The following DENND2B variants were observed in gnomAD, a reference collection of about 807,000 sequenced individuals.
The protein encoded by DENND2B is DENN domain-containing protein 2B.
A neutral mutation model predicts 116.0 loss-of-function variants in DENND2B; 32 were observed. The observed-to-expected ratio is 0.28, with a 90% CI of 0.21 to 0.37. The LOEUF is 0.37. Among genes scored for constraint, DENND2B ranks in the 10% least tolerant of loss-of-function variants. DENND2B has a pLI of 1.00. For missense variants in DENND2B, 1,276 were observed against 1,477.7 expected (o/e 0.86, Z 2.24); for synonymous variants, 588 against 583.9 (o/e 1.01, Z -0.10).
chr11:8,805,169 A>G (rs1470640306), intron 1 of DENND2B, among the ~76,000 whole-genome samples: 1 of 152,220 alleles, frequency 6.6e-6, no homozygotes, highest in Admixed American at 6.5e-5. Flanking sequence ...AAGACCCCTG[A>G]GCTATAGCTG....
At chr11:8,782,570 T>C (rs2058476742) in intron 1 of DENND2B, among the ~76,000 whole-genome samples, 1 of 152,192 alleles carries the variant, frequency 6.6e-6, no homozygotes, top group Non-Finnish European at 1.5e-5. Context: ...CTTTCACTTT[T>C]CCATATACTT....
At chr11:8,885,864 G>A (rs976117272) in intron 1 of DENND2B, among the ~76,000 whole-genome samples, 1 of 152,096 alleles carries the variant, frequency 6.6e-6, no homozygotes, top group African/African-American at 2.4e-5. Context: ...TGTATGTTCA[G>A]CTATAATTAC....
intron 1 of DENND2B, among the ~76,000 whole-genome samples, chr11:8,767,278 C>T (rs561229852): frequency 6.6e-6 from 1 of 152,086 alleles, no homozygotes; most frequent in Non-Finnish European, 1.5e-5. Context: ...AGAATGTTTA[C>T]CCTGGAGAAG....
At position 8,695,522 on chromosome 11, in the gene DENND2B, T is replaced by C; in HGVS notation, c.3320A>G (p.Tyr1107Cys). 2 of 1,613,954 alleles carry C rather than the reference T, an allele frequency of 1.2e-6. No homozygotes were observed. The highest frequency in any genetic ancestry group is 8.5e-7 in the Non-Finnish European group (1 of 1,180,014). The change falls in exon 19 of 20, where the codon TAC becomes TGC. Residue 1107 changes from tyrosine to cysteine, a missense_variant. Physicochemically the swap from Tyr to Cys is radical, Grantham distance 194 (BLOSUM62 -2). Around this residue, in one of 2 missense-constraint regions of DENND2B, gnomAD observed 420 missense variants for 631.1 expected, o/e 0.67. Coordinates refer to ENST00000313726, the MANE Select transcript of DENND2B (RefSeq NM_213618.2). ...CTCAGTGTCTGGGAGTTCTTCTAAG[T>C]ACTGCTCCACTCGCTGCTCAAAAAG... ...KGLFEQRVEQYLEELPDTEQS... is the reference protein window; with the variant it reads ...KGLFEQRVEQCLEELPDTEQS...
Position 8,781,131 on chromosome 11 carries a change from G to A in DENND2B, c.-26+29386C>T, listed in dbSNP as rs150945773. Among the ~76,000 whole-genome samples, 1,239 of 152,320 alleles carry A rather than the reference G, an allele frequency of 8.1e-3. 7 individuals carry two copies. The highest frequency in any genetic ancestry group is 0.014 in the Middle Eastern group (4 of 294). ...ACGAAGTCCTTAGAGTTGGAAGGATGGAGGGACTGTGAGGCCGGAGCATTG... is the reference window on the plus strand; with the variant it reads ...ACGAAGTCCTTAGAGTTGGAAGGATAGAGGGACTGTGAGGCCGGAGCATTG... On this transcript the variant is annotated intron_variant, in intron 1 of 19. Transcript: ENST00000313726.
intron 3 of DENND2B, among the ~76,000 whole-genome samples, chr11:8,850,485 T>A (rs2134644416): frequency 6.6e-6 from 1 of 151,404 alleles, no homozygotes; most frequent in South Asian, 2.1e-4. Flanking sequence ...AAATTAAAAC[T>A]ACACCGAGAT....
At chr11:8,744,396 A>T (rs1051685886) in intron 2 of DENND2B, among the ~76,000 whole-genome samples, 3 of 152,180 alleles carry the variant, frequency 2.0e-5, no homozygotes, top group Non-Finnish European at 4.4e-5. Context: ...GGCCTCCCAA[A>T]GTGCTGGGAT....
intron 1 of DENND2B, among the ~76,000 whole-genome samples, chr11:8,799,918 TTTATTA>T (rs143632896): frequency 0.061 from 8,697 of 143,440 alleles, 370 homozygotes; most frequent in East Asian, 0.16. Flanking sequence ...TCACCATGTA[TTTATTA>T]TTATTATTAT....
At chr11:8,794,248 G>C (rs528315909) in intron 1 of DENND2B, among the ~76,000 whole-genome samples, 3 of 152,346 alleles carry the variant, frequency 2.0e-5, no homozygotes, top group African/African-American at 7.2e-5. Flanking sequence ...AATGGGCAGA[G>C]GTGAGAAGAC....
At chr11:8,754,029 G>GCGCACACACACACACACACACACACA (rs146486674) in intron 1 of DENND2B, among the ~76,000 whole-genome samples, 2 of 138,828 alleles carry the variant, frequency 1.4e-5, no homozygotes, top group African/African-American at 5.5e-5. Flanking sequence ...CCAAAAGCGC[G>GCGCACACACACACACACACACACACA]CACACACACA....
Position 8,714,062 on chromosome 11 carries a change from G to T in DENND2B, c.1943-20C>A. On this transcript the variant is annotated intron_variant, in intron 7 of 19. Transcript: ENST00000313726. ...TTTCATCTGGAAAAGGAACAGCAGA[G>T]TACATACTTGCTGGACCTCACAGCC... The T allele has an allele frequency of 6.2e-7, 1 of 1,613,074 alleles. No homozygotes were observed. Among genetic ancestry groups the T allele is most frequent in the Non-Finnish European group, 8.5e-7 (1 of 1,179,290 alleles).
chr11:8,781,967 T>C (rs977999906), intron 1 of DENND2B, among the ~76,000 whole-genome samples: 1 of 152,198 alleles, frequency 6.6e-6, no homozygotes, highest in Admixed American at 6.5e-5. Context: ...AACACTTATA[T>C]ACATTGGTGG....
At chr11:8,772,851 A>AGGC (rs1358715369) in intron 1 of DENND2B, among the ~76,000 whole-genome samples, 117 of 152,234 alleles carry the variant, frequency 7.7e-4, no homozygotes, top group African/African-American at 2.6e-3. Context: ...GGTGAGTGGC[A>AGGC]ATCCCAACTC....
chr11:8,861,923 C>A (rs549081804), intron 2 of DENND2B, among the ~76,000 whole-genome samples: 1 of 151,884 alleles, frequency 6.6e-6, no homozygotes, highest in African/African-American at 2.4e-5. Flanking sequence ...TGAAGTAACA[C>A]AGGAATGCAA....
intron 3 of DENND2B, among the ~76,000 whole-genome samples, chr11:8,856,697 G>C (rs2063204717): frequency 6.6e-6 from 1 of 151,796 alleles, no homozygotes; most frequent in South Asian, 2.1e-4. Context: ...CTGGGCAGCT[G>C]CTCCCATTCA....
At chr11:8,877,100 CTTTTT>C (rs71059191) in intron 2 of DENND2B, among the ~76,000 whole-genome samples, 26 of 93,072 alleles carry the variant, frequency 2.8e-4, no homozygotes, top group Middle Eastern at 8.8e-3. Flanking sequence ...CTTGAAGATA[CTTTTT>C]TTTTTTTTTT....
intron 1 of DENND2B, among the ~76,000 whole-genome samples, chr11:8,795,658 C>A (rs1477636054): frequency 6.6e-6 from 1 of 152,140 alleles, no homozygotes; most frequent in Non-Finnish European, 1.5e-5. Flanking sequence ...ATAAAATAGG[C>A]AAGTTTCCTC....
At chr11:8,878,453 G>A (rs1444695083) in intron 2 of DENND2B, among the ~76,000 whole-genome samples, 4 of 151,280 alleles carry the variant, frequency 2.6e-5, no homozygotes, top group Admixed American at 6.6e-5. Context: ...GCAATGGCGC[G>A]ATCTCAGCTC....
At chr11:8,862,825 C>T (rs147554297) in intron 2 of DENND2B, among the ~76,000 whole-genome samples, 7 of 152,254 alleles carry the variant, frequency 4.6e-5, no homozygotes, top group African/African-American at 1.7e-4. Context: ...GAGATCTACC[C>T]CAGCCCTCCA....
Sources: allele counts gnomAD v4.1 joint callset (sites outside exome capture counted in the v4.1 genomes callset), GRCh38; gene constraint gnomAD v4.1.1; regional missense constraint gnomAD v4.1.1; transcripts MANE v1.5; gene names NCBI Gene and HGNC (gene_info 2026-07-23, HGNC 2026-07-21).